Variants in RALGAPB observed in about 807,000 individuals in gnomAD.
RALGAPB encodes ral GTPase-activating protein subunit beta.
Under a neutral mutation model 161.1 loss-of-function variants are expected in RALGAPB, and 25 were observed. The observed-to-expected ratio is 0.16, with a 90% CI of 0.11 to 0.22. The LOEUF (loss-of-function observed/expected upper bound fraction) is 0.22. Ranked by LOEUF, RALGAPB falls within the 10% of genes least tolerant of loss-of-function variation. RALGAPB has a pLI of 1.00. For missense variants in RALGAPB, 1,391 were observed against 1,815.2 expected (o/e 0.77, Z 4.25); for synonymous variants, 629 against 626.1 (o/e 1.00, Z -0.07).
intron 2 of RALGAPB, among the ~76,000 whole-genome samples, chr20:38,490,938 C>T (rs186589721): frequency 6.6e-6 from 1 of 152,240 alleles, no homozygotes; most frequent in Non-Finnish European, 1.5e-5. Context: ...GGCCACTACG[C>T]CTGGCCTAGA....
At chr20:38,532,609 A>G (rs967462852) in intron 14 of RALGAPB, 121 bp from the exon 15 acceptor site, 7 of 1,176,764 alleles carry the variant, frequency 5.9e-6, no homozygotes, top group Middle Eastern at 2.2e-4. Flanking sequence ...TTCTGTTACT[A>G]TCAGTTTGTA....
At position 38,518,029 on chromosome 20, in the gene RALGAPB, A is replaced by G. The variant is rs781585847; in HGVS notation, c.1417+29A>G. The G allele has an allele frequency of 3.2e-6, 5 of 1,562,198 alleles. No homozygotes were observed. In the Admixed American group the frequency reaches 8.4e-5, roughly 26 times the overall value. ...AATATTACTCAAGAAATATGTTATC[A>G]TTATTTTCCTTTTCCTTTTTCTTTT... On this transcript the variant is annotated intron_variant, in intron 9 of 29. Coordinates refer to ENST00000262879, the MANE Select transcript of RALGAPB (RefSeq NM_020336.4).
In RALGAPB at chr20:38,520,178, A is replaced by G. The variant is rs938037424; in HGVS notation, c.1418-1319A>G. 1.4e-4 allele frequency: 70 copies of G among 505,076 alleles called. No individual in the cohort carries two copies. In the African/African-American group the frequency reaches 1.4e-3, roughly 10 times the overall value. 31.3% of individuals were successfully genotyped at this position (505,076 alleles called of 1,614,324 possible). A position where few individuals can be genotyped will look rare whatever the true frequency, so the allele number is the denominator to read the frequency against. On this transcript the variant is annotated intron_variant, in intron 9 of 29. Coordinates refer to ENST00000262879, the MANE Select transcript of RALGAPB (RefSeq NM_020336.4). The stretch of plus-strand genomic sequence containing the variant: ...TTTATTGTAAAATTTCACCATCTTT[A>G]AAGTATTTTATAATTACTACTGTCC...
chr20:38,553,242 G>C (rs1033728408), intron 21 of RALGAPB, among the ~76,000 whole-genome samples: 3 of 152,172 alleles, frequency 2.0e-5, no homozygotes, highest in Non-Finnish European at 4.4e-5. Flanking sequence ...CAGGTTGTTA[G>C]AAGGATCGTT....
chr20:38,561,347 G>A (rs1460537017), intron 23 of RALGAPB, among the ~76,000 whole-genome samples: 1 of 152,126 alleles, frequency 6.6e-6, no homozygotes, highest in Non-Finnish European at 1.5e-5. Context: ...AAATAGTCTG[G>A]TTTTGTGTTT....
chr20:38,485,955 C>T (rs1402429770), intron 1 of RALGAPB, among the ~76,000 whole-genome samples: 3 of 144,194 alleles, frequency 2.1e-5, no homozygotes, highest in Admixed American at 7.1e-5. Flanking sequence ...TTCATTGTAT[C>T]CTTTCTATAT....
chr20:38,522,402 A>G (rs893817381), intron 10 of RALGAPB, among the ~76,000 whole-genome samples: 2 of 152,136 alleles, frequency 1.3e-5, no homozygotes, highest in Admixed American at 6.5e-5. Context: ...TAGTTGATCA[A>G]CCGATCAACC....
intron 5 of RALGAPB, among the ~76,000 whole-genome samples, chr20:38,503,787 G>A (rs181800589): frequency 1.8e-4 from 27 of 152,272 alleles, no homozygotes; most frequent in Non-Finnish European, 2.8e-4. Flanking sequence ...GAAAAGAAGA[G>A]TCAGTCCATG....
rs111677131 is a variant in RALGAPB, at chr20:38,527,265, G to C, written c.2050+1223G>C. Among the ~76,000 whole-genome samples, 763 of 152,256 alleles carry C rather than the reference G, an allele frequency of 5.0e-3. 3 individuals are homozygous for C. The highest frequency in any genetic ancestry group is 9.0e-3 in the Admixed American group (137 of 15,284). ...AAGCCCTTATGCCCCCAGAGGAGGT[G>C]GGGTGTATGTCCTTCCAACAGGAAC... On this transcript the variant is annotated intron_variant, in intron 13 of 29. Transcript: ENST00000262879.
chr20:38,551,277 G>A (rs1432408371), intron 21 of RALGAPB, 54 bp downstream of exon 21: 14 of 1,561,184 alleles, frequency 9.0e-6, no homozygotes, highest in Admixed American at 1.7e-5. Context: ...ACATTCTTAC[G>A]ACTTCCTTGG....
chr20:38,511,974 G>A (rs1013873264), intron 6 of RALGAPB, among the ~76,000 whole-genome samples: 1 of 152,126 alleles, frequency 6.6e-6, no homozygotes, highest in African/African-American at 2.4e-5. Flanking sequence ...CCACCTCCCG[G>A]ACGGGGCAGC....
intron 5 of RALGAPB, among the ~76,000 whole-genome samples, chr20:38,504,168 C>T (rs1283713882): frequency 6.6e-6 from 1 of 152,138 alleles, no homozygotes; most frequent in Non-Finnish European, 1.5e-5. Context: ...CTTCACATTA[C>T]CCACCTTGAA....
chr20:38,484,559 A>G (rs1298333236), intron 1 of RALGAPB, among the ~76,000 whole-genome samples: 3 of 151,584 alleles, frequency 2.0e-5, no homozygotes, highest in African/African-American at 7.3e-5. Flanking sequence ...TTTTTGTTTT[A>G]TTTTGTTTTG....
At chr20:38,516,471 A>G in intron 7 of RALGAPB, 101 bp downstream of exon 7, 1 of 1,145,672 alleles carries the variant, frequency 8.7e-7, no homozygotes, top group Non-Finnish European at 1.2e-6. Flanking sequence ...GGAAAAGATG[A>G]ACAGATTTGA....
At chr20:38,532,702 C>G in intron 14 of RALGAPB, 28 bp from the exon 15 acceptor site, 1 of 1,610,064 alleles carries the variant, frequency 6.2e-7, no homozygotes, top group South Asian at 1.1e-5. Context: ...TGATGTAATC[C>G]TCACTTGATT....
chr20:38,548,419 T>A (rs2087247556), intron 19 of RALGAPB, among the ~76,000 whole-genome samples: 2 of 152,234 alleles, frequency 1.3e-5, no homozygotes, highest in African/African-American at 2.4e-5. Flanking sequence ...TATGTATTTT[T>A]AAGCATGTGC....
At chr20:38,563,852 A>G (rs2087884092) in intron 24 of RALGAPB, among the ~76,000 whole-genome samples, 2 of 152,098 alleles carry the variant, frequency 1.3e-5, no homozygotes, top group African/African-American at 4.8e-5. Context: ...TTTGCTCTCC[A>G]TATTTTGGCT....
chr20:38,548,084 T>G (rs1211437211), intron 19 of RALGAPB: 1 of 152,200 alleles, frequency 6.6e-6, no homozygotes, highest in East Asian at 1.9e-4. Flanking sequence ...GGCGTTTGAC[T>G]CCCATATCTG....
chr20:38,498,455 A>C (rs1022426999), intron 4 of RALGAPB, among the ~76,000 whole-genome samples: 4 of 152,224 alleles, frequency 2.6e-5, no homozygotes, highest in Non-Finnish European at 5.9e-5. Flanking sequence ...TATTCAGGGA[A>C]ATATCTAAAA....
Sources: gnomAD v4.1 joint callset for allele counts (sites outside exome capture counted in the v4.1 genomes callset) on GRCh38, gnomAD v4.1.1 for gene constraint, MANE v1.5 for transcripts, NCBI Gene and HGNC (gene_info 2026-07-23, HGNC 2026-07-21) for gene names.